The following DNAH1 variants were observed in gnomAD, a reference collection of about 807,000 sequenced individuals.
DNAH1 encodes dynein axonemal heavy chain 1.
In DNAH1, 327 loss-of-function variants were observed where a neutral mutation model predicts 484.3. That is an observed-to-expected ratio of 0.68 (90% CI 0.62 to 0.74). The LOEUF (loss-of-function observed/expected upper bound fraction) is 0.74. Ranked by LOEUF, DNAH1 falls within the 30% of genes least tolerant of loss-of-function variation. The pLI is 0.00. For missense variants in DNAH1, 5,052 were observed against 5,546.8 expected, an observed-to-expected ratio of 0.91 and a Z score of 2.83; for synonymous variants, 2,192 against 2,191.9, an observed-to-expected ratio of 1.00 and a Z score of 0.00.
Position 52,361,700 on chromosome 3 carries a change from C to T in DNAH1, c.4914C>T (p.Ile1638=), listed in dbSNP as rs375683103. ...CCTGCTTCGACGAGTTCAATCGCATCGACATCGAGGTGCTGTCTGTGGTGG... is the reference window on the plus strand; with the variant it reads ...CCTGCTTCGACGAGTTCAATCGCATTGACATCGAGGTGCTGTCTGTGGTGG... ...AWACFDEFNR[I]DIEVLSVVAQ... The change falls in exon 30 of 78, where the codon ATC becomes ATT. Residue 1638 remains isoleucine (I), a synonymous_variant. Transcript: ENST00000420323. The surrounding 1 kb of genome is among the most constrained non-coding windows in gnomAD (Gnocchi z 5.6). The T allele has an allele frequency of 1.3e-5, 21 of 1,611,232 alleles. No individual in the cohort carries two copies. Among genetic ancestry groups the T allele is most frequent in the Non-Finnish European group, 1.6e-5 (19 of 1,178,904 alleles).
Position 52,399,591 on chromosome 3 carries a change from G to GGT in DNAH1, c.12490_12491dup (p.Tyr4165AlafsTer59). On this transcript the variant is annotated frameshift_variant, in exon 77 of 78. Coordinates refer to ENST00000420323, the MANE Select transcript of DNAH1 (RefSeq NM_015512.5). LOFTEE classifies it high-confidence loss of function. Reference sequence around the variant, plus strand: ...GAGTTAACACAAAGACCCCAAGTAGGGTGCTATATCCATGGATTATTCCTG... The same window carrying GGT: ...GAGTTAACACAAAGACCCCAAGTAGGGTGTGCTATATCCATGGATTATTCCTG... 3 of 1,613,876 alleles carry GGT rather than the reference G, an allele frequency of 1.9e-6. No individual in the cohort carries two copies. The highest frequency in any genetic ancestry group is 2.5e-6 in the Non-Finnish European group (3 of 1,179,822).
intron 26 of DNAH1, 132 bp downstream of exon 26, chr3:52,359,518 G>C: frequency 7.8e-7 from 1 of 1,285,984 alleles, no homozygotes; most frequent in Non-Finnish European, 1.1e-6. Flanking sequence ...GGGGAGGTCA[G>C]ACACCCTTGA....
At position 52,361,536 on chromosome 3, in the gene DNAH1, C is replaced by G; in HGVS notation, c.4875-125C>G. The stretch of plus-strand genomic sequence containing the variant: ...GTGGGGAGTGGCAGTGGGTTGAAGA[C>G]TGAGCTGATGGAGATTGCCCCTGAG... On this transcript the variant is annotated intron_variant, in intron 29 of 77. Coordinates refer to ENST00000420323, the MANE Select transcript of DNAH1 (RefSeq NM_015512.5). The surrounding 1 kb of genome is among the most constrained non-coding windows in gnomAD (Gnocchi z 5.6). 1 of 1,264,964 alleles carries G rather than the reference C, an allele frequency of 7.9e-7. No individual in the cohort carries two copies. The highest frequency in any genetic ancestry group is 1.1e-6 in the Non-Finnish European group (1 of 907,852). The allele number at this position is 1,264,964 out of a possible 1,614,324, so 78.4% of individuals were successfully genotyped here. A position where few individuals can be genotyped will look rare whatever the true frequency, so the allele number is the denominator to read the frequency against.
chr3:52,396,697 T>C lies in DNAH1; in HGVS notation c.11510T>C (p.Leu3837Pro). Residue 3837 changes from leucine to proline, a missense_variant, in exon 72 of 78, where the codon CTG (leucine) becomes CCG (proline). Coordinates refer to ENST00000420323, the MANE Select transcript of DNAH1 (RefSeq NM_015512.5). ...CTGGAGCGCCGTAAGTTTGGGCCCC[T>C]GGGCTTCAACATCCCCTATGAGTTC... ...NALERRKFGP[L>P]GFNIPYEFTD... 1.9e-6 allele frequency: 3 copies of C among 1,613,776 alleles called. No homozygotes were observed. Among genetic ancestry groups the C allele is most frequent in the East Asian group, 4.5e-5 (2 of 44,868 alleles).
At chr3:52,380,635 T>C (rs1476801345) in intron 48 of DNAH1, among the ~76,000 whole-genome samples, 6 of 152,222 alleles carry the variant, frequency 3.9e-5, no homozygotes, top group Non-Finnish European at 5.9e-5. Context: ...GGCCTCCATG[T>C]GTCCCTGGGT....
upstream of DNAH1, among the ~76,000 whole-genome samples, chr3:52,312,689 G>A (rs769419353): frequency 1.5e-4 from 23 of 151,926 alleles, no homozygotes; most frequent in South Asian, 4.1e-4. Context: ...ATCTTGTTCT[G>A]TCGCCCAGGC....
At position 52,362,896 on chromosome 3, in the gene DNAH1, C is replaced by A; in HGVS notation, c.5095-99C>A. ...CTCAGCTGTGGCAGGCTTGGTGCAG[C>A]AGGGAGTCCCAGCGTGTTAGGGAGG... is the stretch of plus-strand genomic sequence containing the variant. On this transcript the variant is annotated intron_variant, in intron 31 of 77. Coordinates refer to ENST00000420323, the MANE Select transcript of DNAH1 (RefSeq NM_015512.5). The surrounding 1 kb of genome is among the most constrained non-coding windows in gnomAD (Gnocchi z 5.1). 1 of 1,524,106 alleles carries A rather than the reference C, an allele frequency of 6.6e-7. No homozygotes were observed. Among genetic ancestry groups the A allele is most frequent in the Non-Finnish European group, 9.0e-7 (1 of 1,116,242 alleles). The allele number at this position is 1,524,106 out of a possible 1,614,324, so 94.4% of individuals were successfully genotyped here. A position where few individuals can be genotyped will look rare whatever the true frequency, so the allele number is the denominator to read the frequency against.
In DNAH1 at chr3:52,368,929, C is replaced by T. The variant is rs1351451609; in HGVS notation, c.5943+11C>T. On this transcript the variant is annotated intron_variant, in intron 37 of 77. Transcript: ENST00000420323. This position sits in a 1 kb window ranked among gnomAD's most constrained non-coding sequence, Gnocchi z 4.4. Reference sequence around the variant, plus strand: ...ATCAAGCTCACAGAGGTGCACCTACCTGTCCACCTGCCCACTCTCCTCCAA... The same window carrying T: ...ATCAAGCTCACAGAGGTGCACCTACTTGTCCACCTGCCCACTCTCCTCCAA... The T allele has an allele frequency of 1.9e-6, 3 of 1,608,508 alleles. No individual in the cohort carries two copies. Among genetic ancestry groups the T allele is most frequent in the Non-Finnish European group, 2.6e-6 (3 of 1,175,312 alleles).
At chr3:52,392,438 G>T (rs770683196) in intron 63 of DNAH1, 26 bp from the exon 64 acceptor site, 1 of 1,606,706 alleles carries the variant, frequency 6.2e-7, no homozygotes, top group Admixed American at 1.7e-5. Context: ...AGGTATTACA[G>T]ACTTGGTGTC....
At position 52,386,163 on chromosome 3, in the gene DNAH1, G is replaced by T; in HGVS notation, c.8629G>T (p.Asp2877Tyr). The change falls in exon 55 of 78, where the codon GAT (aspartate) becomes TAT (tyrosine). Residue 2877 changes from aspartate to tyrosine, a missense_variant. Asp to Tyr is a radical substitution (Grantham distance 160, BLOSUM62 -3). Coordinates refer to ENST00000420323, the MANE Select transcript of DNAH1 (RefSeq NM_015512.5). Reference protein sequence around the residue: ...TMLTMEQIKVDTAIAEETRNS... With the variant: ...TMLTMEQIKVYTAIAEETRNS... ...TCCCTATGTCTCCCATCCCCAGGTG[G>T]ATACGGCCATCGCCGAGGAGACCCG... is the stretch of plus-strand genomic sequence containing the variant. The T allele has an allele frequency of 6.2e-7, 1 of 1,612,442 alleles. No homozygotes were observed. Among genetic ancestry groups the T allele is most frequent in the Non-Finnish European group, 8.5e-7 (1 of 1,178,956 alleles).
chr3:52,362,360 C>A lies in DNAH1; in HGVS notation c.4981-28C>A. 1 of 1,599,636 alleles carries A rather than the reference C, an allele frequency of 6.3e-7. No homozygotes were observed. Among genetic ancestry groups the A allele is most frequent in the East Asian group, 2.2e-5 (1 of 44,524 alleles). On this transcript the variant is annotated intron_variant, in intron 30 of 77. Coordinates refer to ENST00000420323, the MANE Select transcript of DNAH1 (RefSeq NM_015512.5). This position sits in a 1 kb window ranked among gnomAD's most constrained non-coding sequence, Gnocchi z 5.1. ...GGGACAAGGCTGGGCACCCTAGTCC[C>A]AGGCAAGTCAGCCTCTCCCCACTGC...
At chr3:52,399,277 T>G in intron 76 of DNAH1, 76 bp downstream of exon 76, 1 of 1,448,826 alleles carries the variant, frequency 6.9e-7, no homozygotes, top group Middle Eastern at 1.8e-4. Context: ...GAGGCCACGG[T>G]TGGTTGGCAG....
intron 2 of DNAH1, 62 bp from the exon 3 acceptor site, chr3:52,323,746 C>T (rs1459356452): frequency 2.8e-6 from 4 of 1,445,740 alleles, no homozygotes; most frequent in African/African-American, 1.4e-5. Flanking sequence ...CGGGGTCCCT[C>T]CCGGGTCCTG....
rs1703093296 is a variant in DNAH1 at position 52,366,760 on chromosome 3, A to G, written c.5638A>G (p.Thr1880Ala). ...TCYRVLAAAM[T>A]SLKGQPSISG... ...TTACAGAGTCCTGGCAGCTGCCATG[A>G]CGTCACTGAAAGGGCAGCCATCCAT... Residue 1880 changes from threonine to alanine, a missense_variant, in exon 36 of 78, where the codon ACG becomes GCG. This residue lies in a region of DNAH1 where 2,929 missense variants were observed against 3,409.4 expected (regional missense o/e 0.86). Coordinates refer to ENST00000420323, the MANE Select transcript of DNAH1 (RefSeq NM_015512.5). 1 of 1,613,168 alleles carries G rather than the reference A, an allele frequency of 6.2e-7. No individual in the cohort carries two copies. The highest frequency in any genetic ancestry group is 8.5e-7 in the Non-Finnish European group (1 of 1,179,584).
At chr3:52,334,821 A>G (rs1342065385) in intron 8 of DNAH1, among the ~76,000 whole-genome samples, 1 of 151,910 alleles carries the variant, frequency 6.6e-6, no homozygotes, top group Non-Finnish European at 1.5e-5. Flanking sequence ...TTAATTAACT[A>G]ACTTTAGCTT....
chr3:52,333,000 A>C (rs752602675), intron 8 of DNAH1, among the ~76,000 whole-genome samples: 2 of 152,070 alleles, frequency 1.3e-5, no homozygotes, highest in Non-Finnish European at 2.9e-5. Flanking sequence ...CAAGCCTCCC[A>C]CCTCAGCCTC....
At position 52,379,196 on chromosome 3, in the gene DNAH1, C is replaced by T. The variant is rs983780982; in HGVS notation, c.7377+416C>T. Among the ~76,000 whole-genome samples the T allele has an allele frequency of 1.3e-5, 2 of 152,014 alleles. No homozygotes were observed. Among genetic ancestry groups the T allele is most frequent in the African/African-American group, 4.8e-5 (2 of 41,376 alleles). ...GGCACTAGGCACGGTGGGGGGCCAA[C>T]ATGGAGCTTAAATTTGTTCTGAGGG... On this transcript the variant is annotated intron_variant, in intron 47 of 77. Coordinates refer to ENST00000420323, the MANE Select transcript of DNAH1 (RefSeq NM_015512.5). The surrounding 1 kb of genome is among the most constrained non-coding windows in gnomAD (Gnocchi z 4.4).
Position 52,359,368 on chromosome 3 carries a change from C to T in DNAH1, c.4389C>T (p.Phe1463=), listed in dbSNP as rs1329400616. The change falls in exon 26 of 78, where the codon TTC becomes TTT. Residue 1463 remains phenylalanine (F), a synonymous_variant. Coordinates refer to ENST00000420323, the MANE Select transcript of DNAH1 (RefSeq NM_015512.5). The part of the protein sequence containing the change: ...LEAGNLRSQL[F]PQLCQQLSDL... Reference sequence around the variant, plus strand: ...CCGGCAACCTCAGAAGCCAACTGTTCCCCCAGCTCTGCCAGCAGGTTGGAG... The same window carrying T: ...CCGGCAACCTCAGAAGCCAACTGTTTCCCCAGCTCTGCCAGCAGGTTGGAG... 6.4e-7 allele frequency: 1 copy of T among 1,570,846 alleles called. No individual in the cohort carries two copies. Among genetic ancestry groups the T allele is most frequent in the Admixed American group, 1.8e-5 (1 of 55,074 alleles).
intron 11 of DNAH1, among the ~76,000 whole-genome samples, chr3:52,347,495 T>C (rs991005306): frequency 3.9e-5 from 6 of 152,140 alleles, no homozygotes; most frequent in Non-Finnish European, 5.9e-5. Context: ...TCTTGCTGTG[T>C]AGCGAAGATG....
Sources: allele counts gnomAD v4.1 joint callset (sites outside exome capture counted in the v4.1 genomes callset), GRCh38; gene constraint gnomAD v4.1.1; regional missense constraint gnomAD v4.1.1; non-coding constraint Gnocchi (gnomAD v3.1); transcripts MANE v1.5; gene names NCBI Gene and HGNC (gene_info 2026-07-23, HGNC 2026-07-21).